Variants in PHKA2 observed in about 807,000 individuals in gnomAD.
PHKA2 encodes phosphorylase b kinase regulatory subunit alpha, liver isoform.
PHKA2 carries 31 observed loss-of-function variants against 102.0 expected under a neutral mutation model. The ratio of observed to expected loss-of-function variants is 0.30; its 90% confidence interval spans 0.23 to 0.41. The LOEUF (loss-of-function observed/expected upper bound fraction) is 0.41. Ranked by LOEUF, PHKA2 falls within the 10% of genes least tolerant of loss-of-function variation. PHKA2 has a pLI of 1.00. For synonymous variants in PHKA2, 455 were observed against 416.2 expected, an observed-to-expected ratio of 1.09 and a Z score of -1.13; for missense variants, 858 against 1,023.1, an observed-to-expected ratio of 0.84 and a Z score of 2.20.
Position 18,925,752 on chromosome X carries a change from A to T in PHKA2, c.1485T>A (p.Ser495Arg), listed in dbSNP as rs1569309940. The change falls in exon 15 of 33, where the codon AGT (serine) becomes AGA (arginine). Residue 495 changes from serine (S) to arginine (R), a missense_variant. Transcript: ENST00000379942. ...KLGRNKNMNL[S>R]GRPYRHIGVL... ...CACCAATATGTCGATACGGTCGCCC[A>T]CTCAAATTCATATTCTTATTCCGTC... 1 of 1,184,259 alleles carries T rather than the reference A, an allele frequency of 8.4e-7. No individual in the cohort carries two copies. The highest frequency in any genetic ancestry group is 1.1e-6 in the Non-Finnish European group (1 of 870,482).
intron 20 of PHKA2, among the ~76,000 whole-genome samples, chrX:18,909,823 C>A (rs764870575): frequency 8.9e-6 from 1 of 112,277 alleles, no homozygotes; most frequent in African/African-American, 3.2e-5. Flanking sequence ...TAGACGGAGC[C>A]GAAAAGCCCT....
rs376198886 is a variant in PHKA2, at chrX:18,920,080, C to A, written c.1915G>T (p.Asp639Tyr). The A allele has an allele frequency of 8.3e-7, 1 of 1,200,681 alleles. No individual in the cohort carries two copies. The highest frequency in any genetic ancestry group is 1.1e-6 in the Non-Finnish European group (1 of 886,581). The change falls in exon 18 of 33, where the codon GAT becomes TAT. Residue 639 changes from aspartate (D) to tyrosine (Y), a missense_variant. Transcript: ENST00000379942. ...TATCCTACCAAATCTGAATCACTAT[C>A]AGGACTGAAAGTCCCTTCGCTGGCA... ...DNASEGTFSPDSDSDLVGYLE... is the reference protein window; with the variant it reads ...DNASEGTFSPYSDSDLVGYLE...
intron 27 of PHKA2, 103 bp from the exon 28 acceptor site, chrX:18,900,802 C>T (rs867254683): frequency 1.2e-5 from 8 of 687,164 alleles, no homozygotes; most frequent in African/African-American, 1.1e-4. Flanking sequence ...TTGGTCAAAC[C>T]GCAGGGGGTG....
In PHKA2 at chrX:18,899,178, A is replaced by T; in HGVS notation, c.3106T>A (p.Ser1036Thr). Residue 1036 changes from serine (S) to threonine (T), a missense_variant, in exon 29 of 33, where the codon TCT becomes ACT. Physicochemically the swap from Ser to Thr is moderately conservative, Grantham distance 58 (BLOSUM62 1). Around this residue, in one of 2 missense-constraint regions of PHKA2, gnomAD observed 671 missense variants for 745.2 expected, o/e 0.90. Coordinates refer to ENST00000379942, the MANE Select transcript of PHKA2 (RefSeq NM_000292.3). ...TAATCCCGAGGCACTGTTACCGCAG[A>T]CTTGGAGGAATGCGCACTGCTGGAC... ...AASSSAHSSK[S>T]ARSSTPSSPT... The T allele has an allele frequency of 3.3e-6, 4 of 1,208,728 alleles. No individual in the cohort carries two copies. Among genetic ancestry groups the T allele is most frequent in the Non-Finnish European group, 4.5e-6 (4 of 892,539 alleles).
intron 30 of PHKA2, 131 bp from the exon 31 acceptor site, chrX:18,895,322 A>ACTGT (rs2047521698): frequency 5.1e-6 from 3 of 582,755 alleles, no homozygotes; most frequent in Admixed American, 4.7e-5. Flanking sequence ...GACACGCCAG[A>ACTGT]CTGTCAGAGT....
At chrX:18,979,593 T>G (rs1293038206) in intron 1 of PHKA2, among the ~76,000 whole-genome samples, 3 of 111,782 alleles carry the variant, frequency 2.7e-5, no homozygotes, top group African/African-American at 9.7e-5. Context: ...TAAAGATACT[T>G]CCTAGAGTAT....
At chrX:18,908,369 TAGA>T (rs768968433) in intron 21 of PHKA2, among the ~76,000 whole-genome samples, 1 of 112,392 alleles carries the variant, frequency 8.9e-6, no homozygotes. Context: ...CTGGGCTGGC[TAGA>T]AGGCCAAGAA....
intron 19 of PHKA2, among the ~76,000 whole-genome samples, chrX:18,916,024 A>G (rs1276692843): frequency 8.9e-6 from 1 of 112,127 alleles, no homozygotes; most frequent in Non-Finnish European, 1.9e-5. Flanking sequence ...ACACACCCAG[A>G]TAGAGATTAA....
chrX:18,905,479 CTT>C (rs2047792173), intron 26 of PHKA2, among the ~76,000 whole-genome samples: 1 of 111,485 alleles, frequency 9.0e-6, no homozygotes, highest in South Asian at 4.0e-4. Context: ...CCAGCCAACA[CTT>C]TTGCGTAAGT....
intron 28 of PHKA2, among the ~76,000 whole-genome samples, chrX:18,900,027 C>T (rs1010570112): frequency 2.7e-5 from 3 of 111,271 alleles, no homozygotes; most frequent in Non-Finnish European, 5.7e-5. Context: ...ACGGTGCCAC[C>T]GAGTGGCTGG....
chrX:18,969,581 G>A lies in PHKA2; in HGVS notation c.78+14274C>T, dbSNP rs1274811864. On this transcript the variant is annotated intron_variant, in intron 1 of 32. Transcript: ENST00000379942. ...AGTATGTGACTCCTAGTCTAGTTTG[G>A]AGTCCCTGCCTTGATTTGTACTAAA... Among the ~76,000 whole-genome samples the A allele has an allele frequency of 3.6e-5, 4 of 110,019 alleles. No homozygotes were observed. The East Asian group carries it at 8.5e-4, about 23-fold the overall frequency.
chrX:18,970,613 T>G (rs1370063112), intron 1 of PHKA2, among the ~76,000 whole-genome samples: 1 of 112,456 alleles, frequency 8.9e-6, no homozygotes, highest in Non-Finnish European at 1.9e-5. Flanking sequence ...AATGTCCTTG[T>G]ACATGTTTCC....
At chrX:18,964,498 T>A (rs1187205649) in intron 1 of PHKA2, among the ~76,000 whole-genome samples, 1 of 112,421 alleles carries the variant, frequency 8.9e-6, no homozygotes. Flanking sequence ...GAGACCAGGA[T>A]AAATGTTGAA....
chrX:18,894,459 A>G, intron 31 of PHKA2, 55 bp from the exon 32 acceptor site: 1 of 1,025,516 alleles, frequency 9.8e-7, no homozygotes, highest in South Asian at 1.9e-5. Flanking sequence ...CAGCCCTATC[A>G]ATCAATCACC....
chrX:18,925,859 C>T, intron 14 of PHKA2, 82 bp from the exon 15 acceptor site: 1 of 663,236 alleles, frequency 1.5e-6, no homozygotes, highest in Non-Finnish European at 2.5e-6. Context: ...TAAGACTGAG[C>T]TTATTTCTAG....
intron 13 of PHKA2, among the ~76,000 whole-genome samples, chrX:18,928,792 C>T (rs1250999278): frequency 2.7e-5 from 3 of 112,520 alleles, no homozygotes; most frequent in Admixed American, 9.4e-5. Flanking sequence ...TCTCGCCCCT[C>T]TCCAGAAGAA....
At chrX:18,918,198 T>TA (rs2048052799) in intron 19 of PHKA2, among the ~76,000 whole-genome samples, 1 of 111,852 alleles carries the variant, frequency 8.9e-6, no homozygotes, top group African/African-American at 3.3e-5. Flanking sequence ...CTGGAAGATG[T>TA]AGAAAGAAAG....
chrX:18,897,469 CCAGTCCACCTTG>C, intron 29 of PHKA2, 136 bp from the exon 30 acceptor site: 4 of 539,769 alleles, frequency 7.4e-6, no homozygotes, highest in Non-Finnish European at 8.9e-6. Context: ...CACGGTTCCT[CCAGTCCACCTTG>C]TCTGTTTCCT....
At position 18,893,595 on chromosome X, in the gene PHKA2, A is replaced by G. The variant is rs200054284; in HGVS notation, c.3598T>C (p.Phe1200Leu). The change falls in exon 33 of 33, where the codon TTT becomes CTT. Residue 1200 changes from phenylalanine (F) to leucine (L), a missense_variant. Phe to Leu is a conservative substitution (Grantham distance 22). Around this residue, in one of 2 missense-constraint regions of PHKA2, gnomAD observed 671 missense variants for 745.2 expected, o/e 0.90. Transcript: ENST00000379942. ...GCCCCACTCGGAGCGCTGTCATAAA[A>G]GAAGTGGCAGATTCCTGTGGCTTGG... ...KDQATGICHF[F>L]YDSAPSGAYG... 10 of 1,210,362 alleles carry G rather than the reference A, an allele frequency of 8.3e-6. No individual in the cohort carries two copies. The Admixed American group carries it at 2.2e-4, about 26-fold the overall frequency.
Sources: allele counts gnomAD v4.1 joint callset (sites outside exome capture counted in the v4.1 genomes callset), GRCh38; gene constraint gnomAD v4.1.1; regional missense constraint gnomAD v4.1.1; transcripts MANE v1.5; gene names NCBI Gene and HGNC (gene_info 2026-07-23, HGNC 2026-07-21).